The following BCHE variants were observed in gnomAD, a reference collection of about 807,000 sequenced individuals.
The protein encoded by BCHE is butyrylcholinesterase, also known as cholinesterase.
A neutral mutation model predicts 51.3 loss-of-function variants in BCHE; 48 were observed. The ratio of observed to expected loss-of-function variants is 0.94; its 90% CI spans 0.74 to 1.19. The LOEUF (loss-of-function observed/expected upper bound fraction) is 1.19. Ranked by LOEUF, BCHE falls within the 50% of genes most tolerant of loss-of-function variation. The pLI is 0.00. For missense variants in BCHE, 847 were observed against 708.2 expected, an observed-to-expected ratio of 1.20 and a Z score of -2.23; for synonymous variants, 251 against 238.0, an observed-to-expected ratio of 1.05 and a Z score of -0.50.
intron 3 of BCHE, among the ~76,000 whole-genome samples, chr3:165,776,793 G>C (rs1024611260): frequency 3.3e-5 from 5 of 151,526 alleles, no homozygotes; most frequent in African/African-American, 1.2e-4. Context: ...GACCTTTCCA[G>C]ATTCTTATGT....
At chr3:165,817,705 C>T (rs1456300667) in intron 2 of BCHE, among the ~76,000 whole-genome samples, 1 of 152,078 alleles carries the variant, frequency 6.6e-6, no homozygotes, top group African/African-American at 2.4e-5. Context: ...ATTCTATCTG[C>T]ATCTTGCTCT....
chr3:165,836,723 A>G (rs1348953979), intron 1 of BCHE, among the ~76,000 whole-genome samples: 1 of 152,138 alleles, frequency 6.6e-6, no homozygotes, highest in Non-Finnish European at 1.5e-5. Context: ...CAAAGGGCAA[A>G]GGGGACACGC....
chr3:165,791,654 C>A, intron 2 of BCHE, among the ~76,000 whole-genome samples: 1 of 152,046 alleles, frequency 6.6e-6, no homozygotes, highest in East Asian at 1.9e-4. Context: ...GTTTGGAATG[C>A]AATATCAAGA....
intron 2 of BCHE, among the ~76,000 whole-genome samples, chr3:165,812,550 A>G (rs758397869): frequency 2.0e-5 from 3 of 151,984 alleles, no homozygotes; most frequent in African/African-American, 4.8e-5. Context: ...GTATAATCAC[A>G]TCTTTATTTC....
At chr3:165,791,035 C>A (rs1232463375) in intron 2 of BCHE, among the ~76,000 whole-genome samples, 1 of 152,118 alleles carries the variant, frequency 6.6e-6, no homozygotes, top group Non-Finnish European at 1.5e-5. Context: ...CGGTGGCTCA[C>A]GCCTGTAATC....
At chr3:165,796,127 T>C (rs541763068) in intron 2 of BCHE, among the ~76,000 whole-genome samples, 17 of 152,192 alleles carry the variant, frequency 1.1e-4, no homozygotes, top group African/African-American at 4.1e-4. Context: ...TTTAAAAAAA[T>C]ACTAGGAAGA....
At chr3:165,799,415 T>C (rs1713554609) in intron 2 of BCHE, among the ~76,000 whole-genome samples, 1 of 152,158 alleles carries the variant, frequency 6.6e-6, no homozygotes. Flanking sequence ...GTGTCTAATA[T>C]GCAATGAGGG....
At chr3:165,837,250 C>A (rs1316770653) in intron 1 of BCHE, 64 bp downstream of exon 1, 3 of 1,060,962 alleles carry the variant, frequency 2.8e-6, no homozygotes, top group Non-Finnish European at 3.8e-6. Context: ...CACTCTCATC[C>A]CACAGAATGA....
intron 2 of BCHE, among the ~76,000 whole-genome samples, chr3:165,788,465 A>C (rs1434468434): frequency 1.3e-5 from 2 of 152,150 alleles, no homozygotes; most frequent in East Asian, 3.9e-4. Flanking sequence ...CAAGGAGAAA[A>C]TTTCTCCAGA....
intron 2 of BCHE, among the ~76,000 whole-genome samples, chr3:165,788,291 G>A (rs569870939): frequency 6.6e-6 from 1 of 152,110 alleles, no homozygotes; most frequent in South Asian, 2.1e-4. Context: ...GTTCAACCAT[G>A]AATTCAGGAG....
At chr3:165,810,184 A>C (rs1714040534) in intron 2 of BCHE, among the ~76,000 whole-genome samples, 1 of 152,210 alleles carries the variant, frequency 6.6e-6, no homozygotes, top group South Asian at 2.1e-4. Flanking sequence ...GTTTTTAAAC[A>C]TAAATATCTG....
At chr3:165,782,694 A>G (rs1225150996) in intron 3 of BCHE, among the ~76,000 whole-genome samples, 5 of 152,116 alleles carry the variant, frequency 3.3e-5, no homozygotes, top group Non-Finnish European at 7.4e-5. Context: ...TAGCTTATAT[A>G]CAACAGCAAT....
chr3:165,806,067 A>C (rs1713853992), intron 2 of BCHE, among the ~76,000 whole-genome samples: 1 of 151,906 alleles, frequency 6.6e-6, no homozygotes, highest in Admixed American at 6.6e-5. Flanking sequence ...ACTCTCTTCT[A>C]TGCCATTCTC....
intron 2 of BCHE, among the ~76,000 whole-genome samples, chr3:165,823,819 C>A (rs4575939): frequency 0.85 from 128,411 of 151,668 alleles, 55,217 homozygotes; most frequent in East Asian, 0.92. Flanking sequence ...GTGCAGTGCC[C>A]TGATCATAGT....
intron 3 of BCHE, among the ~76,000 whole-genome samples, chr3:165,777,482 C>T (rs895370405): frequency 1.3e-5 from 2 of 151,826 alleles, no homozygotes; most frequent in South Asian, 2.1e-4. Context: ...GTCAAGATTT[C>T]GAATGATCAA....
In BCHE at chr3:165,830,186, T is replaced by C. The variant is rs375775245; in HGVS notation, c.848A>G (p.Glu283Gly). 6.2e-7 allele frequency: 1 copy of C among 1,613,844 alleles called. No homozygotes were observed. The highest frequency in any genetic ancestry group is 1.3e-5 in the African/African-American group (1 of 74,914). The change falls in exon 2 of 4, where the codon GAG becomes GGG. Residue 283 changes from glutamate to glycine, a missense_variant. Coordinates refer to ENST00000264381, the MANE Select transcript of BCHE (RefSeq NM_000055.4). ...ACACTTGATTATTTCAGTCTCATTC[T>C]CTCTAGAGCAACCAGTCAATTTAGC... Reference protein sequence around the residue: ...NLAKLTGCSRENETEIIKCLR... With the variant: ...NLAKLTGCSRGNETEIIKCLR...
At chr3:165,778,609 C>G (rs1712563863) in intron 3 of BCHE, 1 of 425,170 alleles carries the variant, frequency 2.4e-6, no homozygotes. Flanking sequence ...GGTATCTTCT[C>G]TTCTTAAAAG....
chr3:165,774,524 T>C (rs1011112041), intron 3 of BCHE, among the ~76,000 whole-genome samples: 1 of 151,836 alleles, frequency 6.6e-6, no homozygotes, highest in African/African-American at 2.4e-5. Flanking sequence ...TTGGTAGAGA[T>C]GGGGTTTCAC....
At chr3:165,829,360 A>T (rs907947598) in intron 2 of BCHE, among the ~76,000 whole-genome samples, 157 bp downstream of exon 2, 3 of 152,140 alleles carry the variant, frequency 2.0e-5, no homozygotes, top group African/African-American at 4.8e-5. Context: ...GTTGAAATGC[A>T]GTTCATAAGA....
Sources: allele counts gnomAD v4.1 joint callset (sites outside exome capture counted in the v4.1 genomes callset), GRCh38; gene constraint gnomAD v4.1.1; transcripts MANE v1.5; gene names NCBI Gene and HGNC (gene_info 2026-07-23, HGNC 2026-07-21).